The following DDX19B variants were observed in gnomAD, a reference collection of about 807,000 sequenced individuals.
DDX19B encodes the protein DEAD-box helicase 19B, also known as ATP-dependent RNA helicase DDX19B.
DDX19B carries 27 observed loss-of-function variants against 58.1 expected under a neutral mutation model. The ratio of observed to expected loss-of-function variants is 0.46; its 90% confidence interval spans 0.34 to 0.64. The LOEUF is 0.64. DDX19B is among the 30% of genes least tolerant of loss of function. DDX19B has a pLI of 0.01. For missense variants in DDX19B, 399 were observed against 596.5 expected (o/e 0.67, Z 3.45); for synonymous variants, 187 against 214.4 (o/e 0.87, Z 1.12).
chr16:70,294,867 G>A (rs745620351), upstream of DDX19B: 84 of 1,525,106 alleles, frequency 5.5e-5, no homozygotes, highest in South Asian at 1.0e-3. Context: ...TGCCGGGCGC[G>A]TCCAAGATCG....
intron 4 of DDX19B, 187 bp downstream of exon 4, chr16:70,316,291 C>T (rs1962403785): frequency 2.7e-6 from 2 of 732,602 alleles, no homozygotes; most frequent in South Asian, 2.6e-5. Flanking sequence ...CTCACTGCAA[C>T]CTCCGCCTCC....
chr16:70,332,886 A>C (rs1019111934), intron 10 of DDX19B, 82 bp from the exon 11 acceptor site: 2 of 1,612,544 alleles, frequency 1.2e-6, no homozygotes, highest in African/African-American at 2.7e-5. Flanking sequence ...ATGCTGAGTC[A>C]TGCTCCATTG....
chr16:70,329,491 G>T, intron 8 of DDX19B, 22 bp downstream of exon 8: 1 of 1,612,230 alleles, frequency 6.2e-7, no homozygotes, highest in Non-Finnish European at 8.5e-7. Flanking sequence ...GAGGGTGGGG[G>T]ACTCCTCAGA....
rs779099251 is a variant in DDX19B at position 70,334,985 on chromosome 16, G to A, written c.*1403G>A. On this transcript the variant is annotated 3_prime_UTR_variant, in exon 12 of 12. Coordinates refer to ENST00000288071, the MANE Select transcript of DDX19B (RefSeq NM_007242.7). ...TGGCTAAGAACGATTGTGATCCTAG[G>A]TCTTCTTTGTACGCATCTCCGTATT... The A allele has an allele frequency of 3.9e-5, 6 of 152,176 alleles. No individual in the cohort carries two copies. Among genetic ancestry groups the A allele is most frequent in the Admixed American group, 2.6e-4 (4 of 15,244 alleles). The allele number at this position is 152,176 out of a possible 1,614,324, so 9.4% of individuals were successfully genotyped here.
At chr16:70,324,461 G>T in intron 5 of DDX19B, 124 bp from the exon 6 acceptor site, 1 of 715,112 alleles carries the variant, frequency 1.4e-6, no homozygotes. Context: ...TGTGAAGCTA[G>T]CATATGTAAC....
At chr16:70,306,844 A>T (rs1961781765) in intron 1 of DDX19B, among the ~76,000 whole-genome samples, 1 of 152,212 alleles carries the variant, frequency 6.6e-6, no homozygotes, top group African/African-American at 2.4e-5. Context: ...CCCCAAAAGG[A>T]AACTCTGTAC....
At chr16:70,296,424 A>G (rs1961224570), upstream of DDX19B, among the ~76,000 whole-genome samples, 2 of 151,944 alleles carry the variant, frequency 1.3e-5, no homozygotes, top group Non-Finnish European at 2.9e-5. Flanking sequence ...GACACAGGCC[A>G]CTGCTCCGGT....
At chr16:70,319,540 T>C (rs974281534) in intron 5 of DDX19B, 15 of 151,766 alleles carry the variant, frequency 9.9e-5, no homozygotes, top group African/African-American at 3.6e-4. Flanking sequence ...TATATGATTA[T>C]ATACAATTCT....
chr16:70,319,576 C>CCTTTTTTTTTT lies in DDX19B; in HGVS notation c.389+1988_389+1989insCTTTTTTTTTT, dbSNP rs1555547570. 4.8e-5 allele frequency: 7 copies of CCTTTTTTTTTT among 145,768 alleles called. 1 individual carries two copies. Among genetic ancestry groups the CCTTTTTTTTTT allele is most frequent in the Admixed American group, 1.4e-4 (2 of 14,572 alleles). 9.0% of individuals were successfully genotyped at this position (145,768 alleles called of 1,614,324 possible). ...GCATATAATGCTAAATTCTGAATCT[C>CCTTTTTTTTTT]TTTTTTTTTTTTGTCTAAAAATAGA... On this transcript the variant is annotated intron_variant, in intron 5 of 11. Transcript: ENST00000288071.
intron 10 of DDX19B, among the ~76,000 whole-genome samples, chr16:70,332,757 T>G (rs1963544088): frequency 6.6e-6 from 1 of 152,152 alleles, no homozygotes; most frequent in Non-Finnish European, 1.5e-5. Flanking sequence ...CGTGCTAGTT[T>G]GGTATCTATG....
intron 7 of DDX19B, among the ~76,000 whole-genome samples, chr16:70,326,448 G>A (rs765154233): frequency 3.9e-5 from 6 of 152,238 alleles, no homozygotes; most frequent in Admixed American, 1.3e-4. Flanking sequence ...CTGCACTCGA[G>A]CCTGGGCGAC....
chr16:70,308,971 G>A (rs1404813120), intron 1 of DDX19B, among the ~76,000 whole-genome samples: 3 of 151,766 alleles, frequency 2.0e-5, no homozygotes, highest in Admixed American at 2.0e-4. Flanking sequence ...GTCCCCCACT[G>A]CCCTCCCCCA....
At chr16:70,333,380 T>A in intron 11 of DDX19B, 141 bp from the exon 12 acceptor site, 1 of 1,353,554 alleles carries the variant, frequency 7.4e-7, no homozygotes, top group Admixed American at 2.0e-5. Flanking sequence ...CGTGGGGCTC[T>A]GACTGTTGCT....
chr16:70,304,428 A>G (rs961876208), intron 1 of DDX19B, among the ~76,000 whole-genome samples: 19 of 145,610 alleles, frequency 1.3e-4, no homozygotes, highest in Non-Finnish European at 2.5e-4. Flanking sequence ...GTTGGAGTGC[A>G]GTGGCGTGAT....
upstream of DDX19B, among the ~76,000 whole-genome samples, chr16:70,292,490 G>C (rs1205129570): frequency 1.3e-5 from 2 of 152,108 alleles, no homozygotes; most frequent in Non-Finnish European, 2.9e-5. Flanking sequence ...TTGTAATTGA[G>C]GCCCAAAAGT....
intron 5 of DDX19B, among the ~76,000 whole-genome samples, chr16:70,318,579 G>A (rs1239493666): frequency 2.7e-5 from 4 of 146,036 alleles, no homozygotes; most frequent in East Asian, 2.1e-4. Flanking sequence ...ATCACCTGAC[G>A]TCAGGAGTTT....
At chr16:70,294,983 A>T, upstream of DDX19B, 1 of 1,403,760 alleles carries the variant, frequency 7.1e-7, no homozygotes, top group Admixed American at 3.2e-5. Context: ...CCTCGCCCCT[A>T]CTCCTGGGTA....
At chr16:70,312,418 G>A (rs149466912) in intron 1 of DDX19B, among the ~76,000 whole-genome samples, 191 bp from the exon 2 acceptor site, 215 of 152,242 alleles carry the variant, frequency 1.4e-3, no homozygotes, top group African/African-American at 4.9e-3. Flanking sequence ...TTCCACCGAT[G>A]TATTTACGGG....
upstream of DDX19B, among the ~76,000 whole-genome samples, chr16:70,293,738 A>G (rs1961120314): frequency 6.7e-6 from 1 of 149,746 alleles, no homozygotes; most frequent in South Asian, 2.1e-4. Context: ...CAGCCTCCCG[A>G]GTAGCTGGGA....
Sources: gnomAD v4.1 joint callset for allele counts (sites outside exome capture counted in the v4.1 genomes callset) on GRCh38, gnomAD v4.1.1 for gene constraint, MANE v1.5 for transcripts, NCBI Gene and HGNC (gene_info 2026-07-23, HGNC 2026-07-21) for gene names.